The following BRAF variants were observed in gnomAD, a reference collection of about 807,000 sequenced individuals.
BRAF encodes B-Raf proto-oncogene, serine/threonine kinase.
In BRAF, 16 loss-of-function variants were observed where a neutral mutation model predicts 104.6. The observed-to-expected ratio is 0.15, with a 90% CI of 0.10 to 0.23. BRAF has a LOEUF of 0.23. Among genes scored for constraint, BRAF ranks in the 10% least tolerant of loss-of-function variants. The pLI is 1.00. For synonymous variants in BRAF, 310 were observed against 341.6 expected (o/e 0.91, Z 1.02); for missense variants, 541 against 937.3 (o/e 0.58, Z 5.52).
intron 1 of BRAF, among the ~76,000 whole-genome samples, chr7:140,896,269 G>A (rs1338497163): frequency 6.6e-6 from 1 of 152,080 alleles, no homozygotes; most frequent in Non-Finnish European, 1.5e-5. Flanking sequence ...AGGGTGAGAG[G>A]TGGGGGTCTA....
intron 2 of BRAF, among the ~76,000 whole-genome samples, chr7:140,848,418 A>G (rs764595516): frequency 1.3e-5 from 2 of 152,262 alleles, no homozygotes; most frequent in Non-Finnish European, 2.9e-5. Context: ...TGAGTTAAGC[A>G]ATAAAATACA....
intron 2 of BRAF, among the ~76,000 whole-genome samples, chr7:140,846,686 A>G (rs1029192065): frequency 3.3e-5 from 5 of 152,024 alleles, no homozygotes; most frequent in African/African-American, 1.2e-4. Flanking sequence ...TGTTAGGCAT[A>G]TTTTACCCCA....
At chr7:140,770,527 C>CAA (rs35621209) in intron 14 of BRAF, among the ~76,000 whole-genome samples, 1,352 of 63,514 alleles carry the variant, frequency 0.021, 55 homozygotes, top group African/African-American at 0.048. Flanking sequence ...TAAGGCCTGC[C>CAA]AAAAAAAAAA....
rs1807155371 is a variant in BRAF at position 140,834,893 on chromosome 7, A to C, written c.241-21T>G. 3 of 1,613,756 alleles carry C rather than the reference A, an allele frequency of 1.9e-6. No individual in the cohort carries two copies. In the East Asian group the frequency reaches 6.7e-5, roughly 36 times the overall value. The stretch of plus-strand genomic sequence containing the variant: ...TAGGCCTATAAAATAAAGCAGACTT[A>C]TATTCAATCCGGACTTTGTCCTGAC... On this transcript the variant is annotated intron_variant, in intron 2 of 19. Transcript: ENST00000644969.
intron 17 of BRAF, among the ~76,000 whole-genome samples, chr7:140,746,533 T>C (rs1048348036): frequency 2.8e-4 from 43 of 151,872 alleles, no homozygotes; most frequent in African/African-American, 9.2e-4. Flanking sequence ...TTGCAGGTAA[T>C]TGAAAAAAGA....
At position 140,875,604 on chromosome 7, in the gene BRAF, C is replaced by T. The variant is rs181392646; in HGVS notation, c.139-25392G>A. Among the ~76,000 whole-genome samples the T allele has an allele frequency of 6.7e-3, 1,014 of 152,298 alleles. 6 individuals carry two copies. The highest frequency in any genetic ancestry group is 0.01 in the Non-Finnish European group (709 of 68,030). On this transcript the variant is annotated intron_variant, in intron 1 of 19. Coordinates refer to ENST00000644969, the MANE Select transcript of BRAF (RefSeq NM_001374258.1). ...TGTTGGCCAGGCTGGTCTCGAACTC[C>T]CGACCTCCGGTGATCCACCCGCCTC...
rs1002421360 is a variant in BRAF, at chr7:140,834,833, G to T, written c.280C>A (p.Gln94Lys). Residue 94 changes from glutamine to lysine, a missense_variant, in exon 3 of 20, where the codon CAA (glutamine) becomes AAA (lysine). This residue lies in a region of BRAF where 86 missense variants were observed against 133.9 expected (regional missense o/e 0.64). Coordinates refer to ENST00000644969, the MANE Select transcript of BRAF (RefSeq NM_001374258.1). Reference protein sequence around the residue: ...EYTSKLDALQQREQQLLESLG... With the variant: ...EYTSKLDALQKREQQLLESLG... Reference sequence around the variant, plus strand: ...GATTCCAATAACTGTTGTTCTCTTTGTTGGAGTGCATCTAGCTTGCTGGTG... The same window carrying T: ...GATTCCAATAACTGTTGTTCTCTTTTTTGGAGTGCATCTAGCTTGCTGGTG... 4.1e-5 allele frequency: 66 copies of T among 1,614,018 alleles called. No homozygotes were observed. The highest frequency in any genetic ancestry group is 5.3e-5 in the Non-Finnish European group (63 of 1,179,968).
intron 18 of BRAF, among the ~76,000 whole-genome samples, chr7:140,738,928 T>A (rs570727317): frequency 6.6e-6 from 1 of 151,308 alleles, no homozygotes; most frequent in Non-Finnish European, 1.5e-5. Context: ...CAGTTCTTTT[T>A]GAAATTTGTT....
chr7:140,779,587 C>T (rs539559290), intron 12 of BRAF, among the ~76,000 whole-genome samples: 13 of 152,296 alleles, frequency 8.5e-5, no homozygotes, highest in African/African-American at 3.1e-4. Flanking sequence ...CATGTCAGCA[C>T]TCAGAAAGTT....
intron 3 of BRAF, among the ~76,000 whole-genome samples, chr7:140,813,330 T>C (rs187896059): frequency 2.6e-5 from 4 of 152,142 alleles, no homozygotes; most frequent in South Asian, 2.1e-4. Context: ...AAACCCAAAC[T>C]AGTGAAGTTA....
At chr7:140,899,771 G>T (rs1279130780) in intron 1 of BRAF, among the ~76,000 whole-genome samples, 1 of 151,974 alleles carries the variant, frequency 6.6e-6, no homozygotes, top group Non-Finnish European at 1.5e-5. Context: ...TGTTGTAGTA[G>T]GTAGCCTCTA....
chr7:140,823,627 A>G (rs1805707546), intron 3 of BRAF: 1 of 152,238 alleles, frequency 6.6e-6, no homozygotes, highest in South Asian at 2.1e-4. Context: ...ACATGAGTGT[A>G]CAAATATCTC....
In BRAF at chr7:140,721,206, GTAAT is replaced by G; in HGVS notation, c.*5284_*5287del. On this transcript the variant is annotated 3_prime_UTR_variant, in exon 20 of 20. Coordinates refer to ENST00000644969, the MANE Select transcript of BRAF (RefSeq NM_001374258.1). ...TCAACATTTTAATAAAGCTGATTTA[GTAAT>G]TAATAAAACTTAACAGTTGAAGTTG... The G allele has an allele frequency of 9.3e-7, 1 of 1,075,856 alleles. No homozygotes were observed. The highest frequency in any genetic ancestry group is 1.1e-6 in the Non-Finnish European group (1 of 886,294). 66.6% of individuals were successfully genotyped at this position (1,075,856 alleles called of 1,614,324 possible).
In BRAF at chr7:140,720,218, A is replaced by G. The variant is rs1795255094; in HGVS notation, c.*6276T>C. On this transcript the variant is annotated 3_prime_UTR_variant, in exon 20 of 20. Transcript: ENST00000644969. The stretch of plus-strand genomic sequence containing the variant: ...GGATCAGATGTACAACCAACAAATG[A>G]GATTACCACAAATACATATCACTGT... 1.9e-6 allele frequency: 2 copies of G among 1,062,852 alleles called. No homozygotes were observed. Among genetic ancestry groups the G allele is most frequent in the Non-Finnish European group, 2.3e-6 (2 of 877,758 alleles). 65.8% of individuals were successfully genotyped at this position (1,062,852 alleles called of 1,614,324 possible).
At chr7:140,739,721 T>C (rs1796750819) in intron 18 of BRAF, 91 bp downstream of exon 17, 2 of 1,465,536 alleles carry the variant, frequency 1.4e-6, no homozygotes, top group Non-Finnish European at 1.9e-6. Flanking sequence ...TCCAAACTCA[T>C]GAAATACACA....
intron 3 of BRAF, among the ~76,000 whole-genome samples, chr7:140,826,144 CTGAGT>C (rs1806023052): frequency 2.6e-5 from 4 of 152,088 alleles, no homozygotes; most frequent in Admixed American, 2.6e-4. Context: ...ACCTTATTCA[CTGAGT>C]TTTTTAAATA....
intron 3 of BRAF, 80 bp downstream of exon 3, chr7:140,834,526 GTAA>G: frequency 1.3e-6 from 2 of 1,552,892 alleles, no homozygotes; most frequent in Non-Finnish European, 1.8e-6. Flanking sequence ...TGAGTATGAA[GTAA>G]TAATATATTA....
At chr7:140,818,158 G>A (rs1438696064) in intron 3 of BRAF, among the ~76,000 whole-genome samples, 1 of 152,122 alleles carries the variant, frequency 6.6e-6, no homozygotes, top group East Asian at 1.9e-4. Flanking sequence ...GACGATGGGT[G>A]TCCAGCAGAG....
At chr7:140,877,435 T>A (rs1467424401) in intron 1 of BRAF, among the ~76,000 whole-genome samples, 2 of 151,528 alleles carry the variant, frequency 1.3e-5, no homozygotes, top group African/African-American at 4.9e-5. Flanking sequence ...TACTATTATA[T>A]CAGCAAAGAA....
Sources: gnomAD v4.1 joint callset for allele counts (sites outside exome capture counted in the v4.1 genomes callset) on GRCh38, gnomAD v4.1.1 for gene constraint, gnomAD v4.1.1 regional missense constraint, MANE v1.5 for transcripts, NCBI Gene and HGNC (gene_info 2026-07-23, HGNC 2026-07-21) for gene names.